Variants in TGFA observed in about 807,000 individuals in gnomAD.
TGFA encodes the protein transforming growth factor alpha, also known as protransforming growth factor alpha.
TGFA carries 12 observed loss-of-function variants against 21.7 expected under a neutral mutation model. That is an observed-to-expected ratio of 0.55 (90% CI 0.35 to 0.90). The LOEUF is 0.90. Ranked by LOEUF, TGFA falls within the 40% of genes least tolerant of loss-of-function variation. The probability of loss-of-function intolerance (pLI) is 0.01; values close to 1 mark genes in which losing one functional copy is unlikely to be tolerated. For missense variants in TGFA, 178 were observed against 210.8 expected (o/e 0.84, Z 0.96); for synonymous variants, 79 against 88.1 (o/e 0.90, Z 0.58).
chr2:70,450,908 C>T, intron 5 of TGFA, 42 bp from the exon 6 acceptor site: 2 of 1,597,968 alleles, frequency 1.3e-6, no homozygotes, highest in Non-Finnish European at 1.7e-6. Context: ...TGGGCCACAC[C>T]CTGGCCACGT....
chr2:70,540,102 C>T (rs1673093445), intron 1 of TGFA, among the ~76,000 whole-genome samples: 1 of 152,172 alleles, frequency 6.6e-6, no homozygotes, highest in Admixed American at 6.5e-5. Context: ...CAGTGCCCAC[C>T]AGTCTCTGGC....
chr2:70,516,856 T>C (rs908175435), intron 1 of TGFA, among the ~76,000 whole-genome samples: 31 of 145,036 alleles, frequency 2.1e-4, no homozygotes, highest in African/African-American at 7.2e-4. Context: ...GAAGCGTGAC[T>C]TGCCTGTCAC....
At chr2:70,512,805 A>C (rs1672143660) in intron 2 of TGFA, among the ~76,000 whole-genome samples, 1 of 152,176 alleles carries the variant, frequency 6.6e-6, no homozygotes, top group African/African-American at 2.4e-5. Flanking sequence ...GGAGGGGGTC[A>C]AATAACCAAG....
chr2:70,469,734 A>G (rs569134716), intron 2 of TGFA, among the ~76,000 whole-genome samples: 1 of 152,362 alleles, frequency 6.6e-6, no homozygotes, highest in South Asian at 2.1e-4. Flanking sequence ...TGGAAAGGCC[A>G]GGGTCCTTTT....
At chr2:70,551,055 G>A (rs1199669201) in intron 1 of TGFA, among the ~76,000 whole-genome samples, 1 of 141,862 alleles carries the variant, frequency 7.0e-6, no homozygotes, top group African/African-American at 2.6e-5. Flanking sequence ...AATTCTATGG[G>A]GCCCAAAGTA....
At chr2:70,491,304 C>A (rs1671426484) in intron 2 of TGFA, among the ~76,000 whole-genome samples, 1 of 152,166 alleles carries the variant, frequency 6.6e-6, no homozygotes, top group African/African-American at 2.4e-5. Flanking sequence ...TGGGGCATGG[C>A]AACAATAAGG....
In TGFA at chr2:70,449,469, T is replaced by C. The variant is rs187358838; in HGVS notation, c.*1390A>G. The C allele has an allele frequency of 6.1e-6, 1 of 163,538 alleles. No individual in the cohort carries two copies. The highest frequency in any genetic ancestry group is 1.8e-4 in the East Asian group (1 of 5,582). 10.1% of individuals were successfully genotyped at this position (163,538 alleles called of 1,614,324 possible). A position where few individuals can be genotyped will look rare whatever the true frequency, so the allele number is the denominator to read the frequency against. On this transcript the variant is annotated 3_prime_UTR_variant, in exon 6 of 6. Transcript: ENST00000295400. ...TCCTAGGGATGAGCTATCCACTATG[T>C]ATTTGAAGGGACCCACTGTTTCTCA...
intron 1 of TGFA, among the ~76,000 whole-genome samples, chr2:70,528,950 G>C (rs781917195): frequency 1.3e-5 from 2 of 152,192 alleles, no homozygotes; most frequent in South Asian, 2.1e-4. Context: ...AGGTACAAGA[G>C]AGCACTGGGT....
intron 1 of TGFA, among the ~76,000 whole-genome samples, chr2:70,530,882 C>T (rs1350890374): frequency 6.6e-6 from 1 of 152,216 alleles, no homozygotes; most frequent in African/African-American, 2.4e-5. Context: ...CAGCCCAAGA[C>T]TGTGCTCTCC....
chr2:70,525,202 C>A (rs1385856603), intron 1 of TGFA, among the ~76,000 whole-genome samples: 1 of 152,192 alleles, frequency 6.6e-6, no homozygotes, highest in East Asian at 1.9e-4. Context: ...CATCCCTGCA[C>A]CCTGGTGCAC....
chr2:70,505,152 T>C (rs1671881561), intron 2 of TGFA, among the ~76,000 whole-genome samples: 2 of 152,246 alleles, frequency 1.3e-5, no homozygotes, highest in Admixed American at 6.5e-5. Flanking sequence ...TGAGTTCTCA[T>C]AGCAGCTTTT....
chr2:70,494,190 T>C (rs1342448946), intron 2 of TGFA, among the ~76,000 whole-genome samples: 1 of 152,144 alleles, frequency 6.6e-6, no homozygotes, highest in Non-Finnish European at 1.5e-5. Flanking sequence ...TTTGTGAACC[T>C]CTTCCCATCC....
intron 3 of TGFA, among the ~76,000 whole-genome samples, chr2:70,460,196 C>A (rs1215421047): frequency 6.6e-6 from 1 of 152,104 alleles, no homozygotes; most frequent in East Asian, 1.9e-4. Context: ...GTCCAGGCCA[C>A]ACCTTTAGAT....
At chr2:70,470,410 A>G (rs1268539196) in intron 2 of TGFA, among the ~76,000 whole-genome samples, 1 of 152,190 alleles carries the variant, frequency 6.6e-6, no homozygotes, top group Non-Finnish European at 1.5e-5. Flanking sequence ...TTAGATAGGA[A>G]TATATATACT....
intron 2 of TGFA, among the ~76,000 whole-genome samples, chr2:70,494,029 C>CAA (rs144373179): frequency 0.06 from 9,108 of 152,220 alleles, 330 homozygotes; most frequent in Middle Eastern, 0.13. Context: ...GGGATAAACT[C>CAA]AAAGTGTCAT....
At position 70,510,681 on chromosome 2, in the gene TGFA, C is replaced by T. The variant is rs996960199; in HGVS notation, c.94+4178G>A. Among the ~76,000 whole-genome samples the T allele has an allele frequency of 2.6e-5, 4 of 152,206 alleles. No individual in the cohort carries two copies. In the East Asian group the frequency reaches 7.7e-4, roughly 29 times the overall value. On this transcript the variant is annotated intron_variant, in intron 2 of 5. Coordinates refer to ENST00000295400, the MANE Select transcript of TGFA (RefSeq NM_003236.4). ...TGTCCCACTCAAATTGTCTGAGAAG[C>T]GTTTACTAATGACAATGCCAGTTTC...
chr2:70,522,777 G>A (rs575825225), intron 1 of TGFA, among the ~76,000 whole-genome samples: 11 of 152,274 alleles, frequency 7.2e-5, no homozygotes, highest in South Asian at 4.1e-4. Flanking sequence ...TTAAGTAGAC[G>A]TGGGCCATGG....
intron 1 of TGFA, among the ~76,000 whole-genome samples, chr2:70,526,773 G>A (rs530134062): frequency 9.8e-5 from 15 of 152,286 alleles, no homozygotes; most frequent in African/African-American, 3.4e-4. Context: ...CAAAAAGGAG[G>A]GAGAGGGAAA....
intron 1 of TGFA, among the ~76,000 whole-genome samples, chr2:70,522,446 C>CT (rs1332073843): frequency 6.6e-6 from 1 of 152,008 alleles, no homozygotes; most frequent in Non-Finnish European, 1.5e-5. Context: ...TATTTATTTA[C>CT]TTTTTTATGA....
Sources: allele counts gnomAD v4.1 joint callset (sites outside exome capture counted in the v4.1 genomes callset), GRCh38; gene constraint gnomAD v4.1.1; transcripts MANE v1.5; gene names NCBI Gene and HGNC (gene_info 2026-07-23, HGNC 2026-07-21).